SLC5A8: variants seen among roughly 807,000 people sequenced by gnomAD.
SLC5A8 encodes the protein sodium-coupled monocarboxylate transporter 1.
Under a neutral mutation model 71.9 loss-of-function variants are expected in SLC5A8, and 55 were observed. The ratio of observed to expected loss-of-function variants is 0.77; its 90% confidence interval spans 0.62 to 0.96. The LOEUF is 0.96. Among genes scored for constraint, SLC5A8 ranks in the 40% least tolerant of loss-of-function variants. The pLI is 0.00. For missense variants in SLC5A8, 701 were observed against 745.3 expected, an observed-to-expected ratio of 0.94 and a Z score of 0.69; for synonymous variants, 307 against 276.1, an observed-to-expected ratio of 1.11 and a Z score of -1.11.
At chr12:101,205,665 T>C (rs1869650571) in intron 1 of SLC5A8, among the ~76,000 whole-genome samples, 1 of 152,184 alleles carries the variant, frequency 6.6e-6, no homozygotes, top group Non-Finnish European at 1.5e-5. Flanking sequence ...GCTGTGTGCA[T>C]GGTCCTCCCA....
rs2051658451 is a variant in SLC5A8, at chr12:101,156,127, T to G, written c.*1152A>C. On this transcript the variant is annotated 3_prime_UTR_variant, in exon 15 of 15. Coordinates refer to ENST00000536262, the MANE Select transcript of SLC5A8 (RefSeq NM_145913.5). Reference sequence around the variant, plus strand: ...AAATTTTAAAACATGGAACAAAGCATTTTTTGAGTCCAGACGTTTTAAAAA... The same window carrying G: ...AAATTTTAAAACATGGAACAAAGCAGTTTTTGAGTCCAGACGTTTTAAAAA... 6.6e-6 allele frequency: 1 copy of G among 152,098 alleles called. No homozygotes were observed. The highest frequency in any genetic ancestry group is 1.5e-5 in the Non-Finnish European group (1 of 68,016). The allele number at this position is 152,098 out of a possible 1,614,324, so 9.4% of individuals were successfully genotyped here.
At position 101,161,484 on chromosome 12, in the gene SLC5A8, G is replaced by GA. The variant is rs769153703; in HGVS notation, c.1630+489dup. On this transcript the variant is annotated intron_variant, in intron 13 of 14. Transcript: ENST00000536262. ...ACTTTTTAAAAAATGATAAATATCT[G>GA]AAAAAAAAGCCTCCACACTATGTTT... 8.6e-5 allele frequency among the ~76,000 whole-genome samples: 13 copies of GA among 151,438 alleles called. No individual in the cohort carries two copies. In the East Asian group the frequency reaches 1.5e-3, roughly 18 times the overall value.
intron 10 of SLC5A8, among the ~76,000 whole-genome samples, chr12:101,174,267 G>T (rs899812691): frequency 1.3e-5 from 2 of 152,156 alleles, no homozygotes; most frequent in African/African-American, 2.4e-5. Flanking sequence ...TTCCCCAGGG[G>T]CGATGTCTCC....
At chr12:101,158,760 C>T (rs1010088894) in intron 13 of SLC5A8, among the ~76,000 whole-genome samples, 2 of 150,508 alleles carry the variant, frequency 1.3e-5, no homozygotes, top group African/African-American at 4.9e-5. Context: ...ACCCTCCATG[C>T]CATCAGTAAA....
At position 101,157,002 on chromosome 12, in the gene SLC5A8, C is replaced by A; in HGVS notation, c.*277G>T. On this transcript the variant is annotated 3_prime_UTR_variant, in exon 15 of 15. Coordinates refer to ENST00000536262, the MANE Select transcript of SLC5A8 (RefSeq NM_145913.5). ...ATACATGTGCATATGTGTGTATTAG[C>A]CTTTCAGCATCTATGTAGTTACAAT... 1 of 348,694 alleles carries A rather than the reference C, an allele frequency of 2.9e-6. No homozygotes were observed. The highest frequency in any genetic ancestry group is 4.2e-5 in the Admixed American group (1 of 23,782). The allele number at this position is 348,694 out of a possible 1,614,324, so 21.6% of individuals were successfully genotyped here.
intron 2 of SLC5A8, 62 bp from the exon 3 acceptor site, chr12:101,202,277 G>C: frequency 7.3e-7 from 1 of 1,366,324 alleles, no homozygotes; most frequent in Non-Finnish European, 9.8e-7. Flanking sequence ...AATTACGTCT[G>C]AGTTATAAAA....
At chr12:101,167,193 A>G (rs116772959) in intron 11 of SLC5A8, among the ~76,000 whole-genome samples, 2,916 of 152,300 alleles carry the variant, frequency 0.019, 105 homozygotes, top group African/African-American at 0.067. Context: ...CACGCAAAGA[A>G]TCTAATCCAA....
chr12:101,195,822 G>A (rs1869151590), intron 3 of SLC5A8, among the ~76,000 whole-genome samples: 1 of 149,670 alleles, frequency 6.7e-6, no homozygotes, highest in African/African-American at 2.5e-5. Context: ...TCAGCCTCTC[G>A]AGTAGCTGGG....
chr12:101,202,060 C>A, intron 3 of SLC5A8, 104 bp downstream of exon 3: 1 of 1,117,840 alleles, frequency 8.9e-7, no homozygotes, highest in Non-Finnish European at 1.3e-6. Context: ...ATGCAGGTTA[C>A]TAGAAGCATT....
chr12:101,182,830 A>G lies in SLC5A8; in HGVS notation c.1138T>C (p.Ser380Pro). 1.3e-6 allele frequency: 2 copies of G among 1,591,950 alleles called. No individual in the cohort carries two copies. The highest frequency in any genetic ancestry group is 1.7e-4 in the Middle Eastern group (1 of 6,018). ...KPYFRSLSER[S>P]LSWISQGMSV... ...ATTCCTTGGGAAATCCAAGACAGAG[A>G]CCTTTCTGAGAGCGATCTGAAGTAA... Residue 380 changes from serine (S) to proline (P), a missense_variant, in exon 9 of 15, where the codon TCT becomes CCT. Physicochemically the swap from Ser to Pro is moderately conservative, Grantham distance 74. Coordinates refer to ENST00000536262, the MANE Select transcript of SLC5A8 (RefSeq NM_145913.5).
chr12:101,159,007 A>T (rs1021817483), intron 13 of SLC5A8, among the ~76,000 whole-genome samples: 4 of 151,598 alleles, frequency 2.6e-5, no homozygotes, highest in Admixed American at 6.6e-5. Context: ...ATCAAAGAGG[A>T]TGCTTTTAAA....
chr12:101,166,178 A>T (rs901549008), intron 12 of SLC5A8, among the ~76,000 whole-genome samples: 7 of 152,198 alleles, frequency 4.6e-5, no homozygotes, highest in African/African-American at 1.7e-4. Context: ...TCCATTTTAA[A>T]AGTTTTTCCA....
At chr12:101,206,207 A>G (rs1239064198) in intron 1 of SLC5A8, among the ~76,000 whole-genome samples, 2 of 152,210 alleles carry the variant, frequency 1.3e-5, no homozygotes, top group African/African-American at 4.8e-5. Flanking sequence ...ATTGAATCTC[A>G]ATAAATTACA....
At chr12:101,177,102 T>A (rs981416946) in intron 10 of SLC5A8, among the ~76,000 whole-genome samples, 3 of 152,058 alleles carry the variant, frequency 2.0e-5, no homozygotes, top group African/African-American at 7.2e-5. Flanking sequence ...GTCCTGCAGA[T>A]GCCAAAGGAT....
At chr12:101,161,707 T>C (rs1180028466) in intron 13 of SLC5A8, among the ~76,000 whole-genome samples, 4 of 152,222 alleles carry the variant, frequency 2.6e-5, no homozygotes, top group African/African-American at 9.6e-5. Context: ...ATTGTCCTCA[T>C]TTTATACATA....
chr12:101,203,585 G>A (rs533078637), intron 2 of SLC5A8, among the ~76,000 whole-genome samples: 1 of 152,316 alleles, frequency 6.6e-6, no homozygotes, highest in South Asian at 2.1e-4. Flanking sequence ...GACCTCAGGT[G>A]ATCCACTTGC....
chr12:101,158,618 A>G (rs1418078923), intron 13 of SLC5A8, among the ~76,000 whole-genome samples: 1 of 127,362 alleles, frequency 7.9e-6, no homozygotes, highest in East Asian at 2.5e-4. Flanking sequence ...ATATATATAT[A>G]TATATATATA....
In SLC5A8 at chr12:101,202,229, A is replaced by G; in HGVS notation, c.418-14T>C. 2 of 1,553,576 alleles carry G rather than the reference A, an allele frequency of 1.3e-6. No homozygotes were observed. Among genetic ancestry groups the G allele is most frequent in the African/African-American group, 2.8e-5 (2 of 70,688 alleles). On this transcript the variant is annotated splice_polypyrimidine_tract_variant and intron_variant, in intron 2 of 14. Coordinates refer to ENST00000536262, the MANE Select transcript of SLC5A8 (RefSeq NM_145913.5). ...AGTATACAGAATCTAGGGGGGAGAA[A>G]GAAAGCCAAATGAATTATATGAATT...
At chr12:101,158,598 C>CTCTCTATATATA (rs1411795424) in intron 13 of SLC5A8, among the ~76,000 whole-genome samples, 24 of 21,202 alleles carry the variant, frequency 1.1e-3, no homozygotes, top group Non-Finnish European at 1.6e-3. Context: ...CTCTCTCTCT[C>CTCTCTATATATA]TATATATATA....
Sources: allele counts gnomAD v4.1 joint callset (sites outside exome capture counted in the v4.1 genomes callset), GRCh38; gene constraint gnomAD v4.1.1; transcripts MANE v1.5; gene names NCBI Gene and HGNC (gene_info 2026-07-23, HGNC 2026-07-21).